BABAM2: variants seen among roughly 807,000 people sequenced by gnomAD.
BABAM2 encodes the protein BRISC and BRCA1 A complex member 2, also known as BRISC and BRCA1-A complex member 2.
Under a neutral mutation model 54.7 loss-of-function variants are expected in BABAM2, and 31 were observed. The ratio of observed to expected loss-of-function variants is 0.57; its 90% confidence interval spans 0.43 to 0.77. BABAM2 has a LOEUF of 0.77. Ranked by LOEUF, BABAM2 falls within the 30% of genes least tolerant of loss-of-function variation. BABAM2 has a pLI of 0.00. For synonymous variants in BABAM2, 167 were observed against 162.9 expected (o/e 1.03, Z -0.19); for missense variants, 364 against 455.8 (o/e 0.80, Z 1.83).
At chr2:28,290,170 C>T (rs1411253706) in intron 10 of BABAM2, among the ~76,000 whole-genome samples, 4 of 152,174 alleles carry the variant, frequency 2.6e-5, no homozygotes, top group Non-Finnish European at 5.9e-5. Flanking sequence ...CTAGCTCATT[C>T]ATTTAAACTG....
intron 6 of BABAM2, among the ~76,000 whole-genome samples, chr2:28,077,617 A>G (rs972552992): frequency 2.6e-5 from 4 of 152,144 alleles, no homozygotes; most frequent in Non-Finnish European, 5.9e-5. Context: ...TTGAAGAACA[A>G]ATACTCTTCA....
intron 7 of BABAM2, among the ~76,000 whole-genome samples, chr2:28,143,257 T>C (rs944196989): frequency 1.3e-5 from 2 of 151,882 alleles, no homozygotes; most frequent in Non-Finnish European, 2.9e-5. Context: ...GAAAGAAAAA[T>C]ACTGCCTGAT....
At chr2:28,003,985 G>T (rs1036604867) in intron 4 of BABAM2, among the ~76,000 whole-genome samples, 3 of 152,090 alleles carry the variant, frequency 2.0e-5, no homozygotes, top group Non-Finnish European at 4.4e-5. Flanking sequence ...ATATAGCAAT[G>T]AGGTTTTGTG....
At chr2:28,080,150 A>G (rs1045141535) in intron 6 of BABAM2, among the ~76,000 whole-genome samples, 7 of 152,132 alleles carry the variant, frequency 4.6e-5, no homozygotes, top group South Asian at 4.1e-4. Flanking sequence ...TAAATTGGGC[A>G]TCTTTTATCA....
intron 6 of BABAM2, among the ~76,000 whole-genome samples, chr2:28,092,707 ATTAATC>A (rs1666253379): frequency 1.3e-5 from 2 of 151,702 alleles, no homozygotes; most frequent in South Asian, 2.1e-4. Flanking sequence ...TACCTAACCA[ATTAATC>A]TTAATATATC....
chr2:27,915,081 A>G (rs780169467), intron 2 of BABAM2, among the ~76,000 whole-genome samples: 1 of 152,084 alleles, frequency 6.6e-6, no homozygotes, highest in Non-Finnish European at 1.5e-5. Context: ...TTGCTTTAGG[A>G]CACTGGAAAA....
intron 3 of BABAM2, among the ~76,000 whole-genome samples, chr2:27,966,655 G>A (rs1239903193): frequency 1.3e-5 from 2 of 152,192 alleles, no homozygotes; most frequent in South Asian, 2.1e-4. Context: ...CCCCTCATCA[G>A]CTGTAACTCT....
At chr2:27,942,103 G>T (rs1291092501) in intron 3 of BABAM2, among the ~76,000 whole-genome samples, 1 of 152,054 alleles carries the variant, frequency 6.6e-6, no homozygotes, top group Non-Finnish European at 1.5e-5. Context: ...ATATTAATTT[G>T]TTCTAGCTAA....
Position 28,237,253 on chromosome 2 carries a change from A to G in BABAM2, c.732A>G (p.Gly244=). 1 of 1,613,844 alleles carries G rather than the reference A, an allele frequency of 6.2e-7. No individual in the cohort carries two copies. ...ATATCCCAGCTTTTCCAGGAGGAGG[A>G]TGTCTCATTGATTACGTTCCTCAAG... ...ALHIPAFPGG[G]CLIDYVPQVC... Residue 244 remains glycine, a synonymous_variant, in exon 8 of 12, where the codon GGA becomes GGG. Coordinates refer to ENST00000379624, the MANE Select transcript of BABAM2 (RefSeq NM_199191.3).
At position 27,903,490 on chromosome 2, in the gene BABAM2, G is replaced by A. The variant is rs190815118; in HGVS notation, c.128+8806G>A. On this transcript the variant is annotated intron_variant, in intron 2 of 11. Transcript: ENST00000379624. The stretch of plus-strand genomic sequence containing the variant: ...ATGAAGAGAGATTACCCTGATGAGA[G>A]GCAAATTGAGAATTGAAGGTTAGAG... Among the ~76,000 whole-genome samples the A allele has an allele frequency of 6.3e-3, 961 of 152,240 alleles. 7 individuals are homozygous for A. Among genetic ancestry groups the A allele is most frequent in the Non-Finnish European group, 7.9e-3 (534 of 68,012 alleles).
rs905286581 is a variant in BABAM2, at chr2:28,329,712, C to T, written c.1089-8738C>T. Among the ~76,000 whole-genome samples the T allele has an allele frequency of 2.6e-5, 4 of 152,148 alleles. No individual in the cohort carries two copies. Among genetic ancestry groups the T allele is most frequent in the Non-Finnish European group, 5.9e-5 (4 of 68,024 alleles). ...TAAATAGCCTACCAACCAAAAAAAGCCCAGGACCAGATGAATTTACAGCTG... is the reference window on the plus strand; with the variant it reads ...TAAATAGCCTACCAACCAAAAAAAGTCCAGGACCAGATGAATTTACAGCTG... On this transcript the variant is annotated intron_variant, in intron 11 of 11. Transcript: ENST00000379624. This position sits in a 1 kb window ranked among gnomAD's most constrained non-coding sequence, Gnocchi z 4.2.
At chr2:27,942,344 G>A (rs376290383) in intron 3 of BABAM2, among the ~76,000 whole-genome samples, 36 of 151,946 alleles carry the variant, frequency 2.4e-4, no homozygotes, top group African/African-American at 8.2e-4. Flanking sequence ...TTGTTATACC[G>A]TGCTATTATT....
chr2:27,988,198 C>A, intron 4 of BABAM2, 111 bp downstream of exon 4: 1 of 977,096 alleles, frequency 1.0e-6, no homozygotes, highest in Non-Finnish European at 1.6e-6. Context: ...ATTTTTTTCC[C>A]ACCCCTCTTT....
At chr2:28,265,635 C>T (rs974503746) in intron 10 of BABAM2, among the ~76,000 whole-genome samples, 1 of 152,078 alleles carries the variant, frequency 6.6e-6, no homozygotes, top group Non-Finnish European at 1.5e-5. Flanking sequence ...CATGCATGCA[C>T]ATATGTGCAC....
chr2:28,331,612 A>G (rs1055293255), intron 11 of BABAM2, among the ~76,000 whole-genome samples: 1 of 152,218 alleles, frequency 6.6e-6, no homozygotes, highest in South Asian at 2.1e-4. Flanking sequence ...CAAAACCACA[A>G]TGAGATACCA....
intron 4 of BABAM2, among the ~76,000 whole-genome samples, chr2:28,022,357 A>T (rs79727254): frequency 6.6e-6 from 1 of 152,250 alleles, no homozygotes; most frequent in African/African-American, 2.4e-5. Context: ...CATTCTACAC[A>T]GTCTCAATTA....
At chr2:28,053,665 C>T in intron 6 of BABAM2, among the ~76,000 whole-genome samples, 1 of 152,148 alleles carries the variant, frequency 6.6e-6, no homozygotes, top group East Asian at 1.9e-4. Flanking sequence ...CTCAGTACCT[C>T]GTCCTTGTTC....
intron 10 of BABAM2, among the ~76,000 whole-genome samples, chr2:28,274,111 A>G (rs997515353): frequency 2.6e-5 from 4 of 152,214 alleles, no homozygotes; most frequent in Non-Finnish European, 1.5e-5. Context: ...AATCATTTCA[A>G]GACACCACCT....
intron 11 of BABAM2, 56 bp downstream of exon 11, chr2:28,298,547 A>AT: frequency 6.2e-7 from 1 of 1,602,688 alleles, no homozygotes; most frequent in Non-Finnish European, 8.5e-7. Context: ...TATCTAGTCC[A>AT]GGGGTTGGCA....
Sources: allele counts gnomAD v4.1 joint callset (sites outside exome capture counted in the v4.1 genomes callset), GRCh38; gene constraint gnomAD v4.1.1; non-coding constraint Gnocchi (gnomAD v3.1); transcripts MANE v1.5; gene names NCBI Gene and HGNC (gene_info 2026-07-23, HGNC 2026-07-21).